Variants in LYPD6B observed in about 807,000 individuals in gnomAD.
LYPD6B encodes ly6/PLAUR domain-containing protein 6B.
Under a neutral mutation model 22.8 loss-of-function variants are expected in LYPD6B, and 17 were observed. The ratio of observed to expected loss-of-function variants is 0.75; its 90% CI spans 0.51 to 1.12. The LOEUF (loss-of-function observed/expected upper bound fraction) is 1.12. Among genes scored for constraint, LYPD6B ranks in the 50% most tolerant of loss-of-function variants. The probability of loss-of-function intolerance (pLI) is 0.00; values close to 1 mark genes in which losing one functional copy is unlikely to be tolerated. For missense variants in LYPD6B, 221 were observed against 258.3 expected, an observed-to-expected ratio of 0.86 and a Z score of 0.99; for synonymous variants, 106 against 91.6, an observed-to-expected ratio of 1.16 and a Z score of -0.90.
At chr2:149,091,306 G>C (rs1173933662) in intron 1 of LYPD6B, among the ~76,000 whole-genome samples, 2 of 150,802 alleles carry the variant, frequency 1.3e-5, no homozygotes, top group African/African-American at 2.4e-5. Context: ...TATGTGTAAA[G>C]ATTACATAAA....
At chr2:149,088,964 G>C (rs1685522143) in intron 1 of LYPD6B, among the ~76,000 whole-genome samples, 1 of 152,134 alleles carries the variant, frequency 6.6e-6, no homozygotes, top group Admixed American at 6.5e-5. Context: ...AGACTGGACA[G>C]AGCTACCACA....
chr2:149,108,659 C>G, intron 1 of LYPD6B, among the ~76,000 whole-genome samples: 1 of 152,196 alleles, frequency 6.6e-6, no homozygotes. Flanking sequence ...CAACTTTTGA[C>G]TTTCAGCACA....
chr2:149,182,151 T>G (rs559187111), intron 3 of LYPD6B, among the ~76,000 whole-genome samples: 1 of 152,344 alleles, frequency 6.6e-6, no homozygotes, highest in African/African-American at 2.4e-5. Flanking sequence ...CACCTTATAT[T>G]TTTAAATTTT....
intron 2 of LYPD6B, among the ~76,000 whole-genome samples, chr2:149,145,621 G>A (rs1688973939): frequency 6.6e-6 from 1 of 152,148 alleles, no homozygotes; most frequent in African/African-American, 2.4e-5. Flanking sequence ...GAAAGAGGGG[G>A]TGGATGGATC....
intron 1 of LYPD6B, among the ~76,000 whole-genome samples, chr2:149,059,216 C>A (rs1683953162): frequency 6.6e-6 from 1 of 152,252 alleles, no homozygotes. Context: ...CATATCAAGT[C>A]CCTACCTCTC....
chr2:149,153,087 G>C (rs1431411010), intron 2 of LYPD6B, among the ~76,000 whole-genome samples: 3 of 152,182 alleles, frequency 2.0e-5, no homozygotes, highest in Non-Finnish European at 4.4e-5. Context: ...AATCCAGTGT[G>C]GTTGATAAAA....
At chr2:149,118,993 G>A (rs2105581347) in intron 1 of LYPD6B, 1 of 152,328 alleles carries the variant, frequency 6.6e-6, no homozygotes, top group South Asian at 2.1e-4. Flanking sequence ...AAAATACTCT[G>A]AAACTGAAAA....
intron 2 of LYPD6B, among the ~76,000 whole-genome samples, chr2:149,157,411 G>A (rs983443223): frequency 6.6e-6 from 1 of 152,112 alleles, no homozygotes; most frequent in Admixed American, 6.6e-5. Context: ...CCAACTAACT[G>A]AACACAAAAG....
intron 1 of LYPD6B, among the ~76,000 whole-genome samples, chr2:149,041,684 G>A (rs1403898436): frequency 6.6e-6 from 1 of 152,182 alleles, no homozygotes; most frequent in South Asian, 2.1e-4. Context: ...GGCACAGATT[G>A]GTAATCAGAA....
intron 3 of LYPD6B, among the ~76,000 whole-genome samples, chr2:149,177,237 T>A (rs748847893): frequency 1.4e-4 from 22 of 152,166 alleles, no homozygotes; most frequent in Non-Finnish European, 8.8e-5. Context: ...AACATCCCAA[T>A]GCCATTCTTC....
At chr2:149,185,776 C>T (rs900998402) in intron 3 of LYPD6B, among the ~76,000 whole-genome samples, 4 of 152,202 alleles carry the variant, frequency 2.6e-5, no homozygotes, top group African/African-American at 9.6e-5. Flanking sequence ...CACTTTGTGT[C>T]TCTTCATCAC....
chr2:149,178,538 CAG>C (rs1296487979), intron 3 of LYPD6B, among the ~76,000 whole-genome samples: 1 of 152,168 alleles, frequency 6.6e-6, no homozygotes, highest in East Asian at 1.9e-4. Context: ...GTTCACAGAG[CAG>C]AGCCTGTCAA....
chr2:149,053,433 C>T (rs1683653612), intron 1 of LYPD6B, among the ~76,000 whole-genome samples: 1 of 152,040 alleles, frequency 6.6e-6, no homozygotes, highest in African/African-American at 2.4e-5. Flanking sequence ...TGTAACATTC[C>T]TAATTATTTA....
At chr2:149,167,149 C>T (rs1575101135) in intron 3 of LYPD6B, among the ~76,000 whole-genome samples, 1 of 151,770 alleles carries the variant, frequency 6.6e-6, no homozygotes, top group Admixed American at 6.6e-5. Flanking sequence ...GAAAACCTGA[C>T]AGGCAGGTCT....
At chr2:149,174,809 A>G (rs750580425) in intron 3 of LYPD6B, among the ~76,000 whole-genome samples, 3 of 151,578 alleles carry the variant, frequency 2.0e-5, no homozygotes, top group Non-Finnish European at 4.4e-5. Flanking sequence ...GAGGAGGGAG[A>G]GAATCAGGAA....
intron 2 of LYPD6B, among the ~76,000 whole-genome samples, chr2:149,155,500 G>A (rs1458741965): frequency 6.6e-6 from 1 of 152,178 alleles, no homozygotes; most frequent in Non-Finnish European, 1.5e-5. Context: ...GAGTGCTGCA[G>A]GGCATTACTT....
In LYPD6B at chr2:149,047,596, C is replaced by T. The variant is rs530519173; in HGVS notation, c.-67+8795C>T. On this transcript the variant is annotated intron_variant, in intron 1 of 6. Transcript: ENST00000409642. ...GTGTGTGTGTGTACATGTATGCATG[C>T]GTGCACACTCTTGATATTTATCATA... Among the ~76,000 whole-genome samples, 17 of 151,688 alleles carry T rather than the reference C, an allele frequency of 1.1e-4. No individual in the cohort carries two copies. The South Asian group carries it at 3.1e-3, about 28-fold the overall frequency.
In LYPD6B at chr2:149,160,883, C is replaced by T. The variant is rs952945435; in HGVS notation, c.77+48C>T. The T allele has an allele frequency of 3.6e-6, 5 of 1,382,396 alleles. No homozygotes were observed. The African/African-American group carries it at 5.7e-5, about 16-fold the overall frequency. The allele number at this position is 1,382,396 out of a possible 1,614,324, so 85.6% of individuals were successfully genotyped here. A position where few individuals can be genotyped will look rare whatever the true frequency, so the allele number is the denominator to read the frequency against. ...CAGCCCTCGGCTTTTCATTTGGGAG[C>T]TCTGGTTAAGTTGTTGGGAATGGAC... On this transcript the variant is annotated intron_variant, in intron 3 of 6. Coordinates refer to ENST00000409642, the MANE Select transcript of LYPD6B (RefSeq NM_177964.5).
chr2:149,069,608 TG>T (rs1684504095), intron 1 of LYPD6B, among the ~76,000 whole-genome samples: 1 of 152,130 alleles, frequency 6.6e-6, no homozygotes, highest in African/African-American at 2.4e-5. Flanking sequence ...TGAGCCAGCT[TG>T]GCATTTAAAT....
Sources: gnomAD v4.1 joint callset for allele counts (sites outside exome capture counted in the v4.1 genomes callset) on GRCh38, gnomAD v4.1.1 for gene constraint, MANE v1.5 for transcripts, NCBI Gene and HGNC (gene_info 2026-07-23, HGNC 2026-07-21) for gene names.